PRB3: variants seen among roughly 807,000 people sequenced by gnomAD.
PRB3 encodes the protein proline rich protein BstNI subfamily 3.
A neutral mutation model predicts 10.0 loss-of-function variants in PRB3; 9 were observed. The observed-to-expected ratio is 0.90, with a 90% CI of 0.54 to 1.57. The LOEUF is 1.57. Ranked by LOEUF, PRB3 falls within the 40% of genes most tolerant of loss-of-function variation. The pLI is 0.00. For synonymous variants in PRB3, 89 were observed against 138.6 expected (o/e 0.64, Z 2.52); for missense variants, 285 against 385.5 (o/e 0.74, Z 2.18).
chr12:11,267,253 T>C lies in PRB3; in HGVS notation c.996A>G (p.Pro332=). Residue 332 remains proline (P), a synonymous_variant, in exon 3 of 4, where the codon CCA becomes CCG. Transcript: ENST00000538488. ...LPPPAGKPQG[P]PPPPQGGRPH... ...GTCTGCCCCCTTGAGGAGGTGGAGGTGGTCCCTGGGGCTTTCCAGCGGGAG... is the reference window on the plus strand; with the variant it reads ...GTCTGCCCCCTTGAGGAGGTGGAGGCGGTCCCTGGGGCTTTCCAGCGGGAG... 1 of 1,613,814 alleles carries C rather than the reference T, an allele frequency of 6.2e-7. No homozygotes were observed. The highest frequency in any genetic ancestry group is 8.5e-7 in the Non-Finnish European group (1 of 1,179,882).
intron 2 of PRB3, 91 bp downstream of exon 2, chr12:11,268,542 G>T: frequency 6.8e-7 from 1 of 1,463,136 alleles, no homozygotes; most frequent in Non-Finnish European, 9.6e-7. Context: ...AATTTCTAAA[G>T]GAAAATGTTG....
At chr12:11,266,132 C>G in intron 3 of PRB3, 103 bp from the exon 4 acceptor site, 1 of 412,356 alleles carries the variant, frequency 2.4e-6, no homozygotes, top group Middle Eastern at 8.1e-4. Context: ...AGATCCCATC[C>G]TCTCTCCCCA....
Position 11,269,616 on chromosome 12 carries a change from G to C in PRB3, c.54C>G (p.Ser18Arg). 2 of 1,614,028 alleles carry C rather than the reference G, an allele frequency of 1.2e-6. No homozygotes were observed. The highest frequency in any genetic ancestry group is 1.7e-6 in the Non-Finnish European group (2 of 1,179,936). ...CTCCTTCTGTCTTACCTTCATTTAA[G>C]CTCTGAGCTGAGCTCAGGGCCAGCA... ...VALLALSSAQ[S>R]LNEDVSQEES... The change falls in exon 1 of 4, where the codon AGC becomes AGG. Residue 18 changes from serine (S) to arginine (R), a missense_variant. Around this residue, in one of 3 missense-constraint regions of PRB3, gnomAD observed 147 missense variants for 129.4 expected, o/e 1.14. Transcript: ENST00000538488.
In PRB3 at chr12:11,266,032, G is replaced by GAAAC. The variant is rs1565761740; in HGVS notation, c.*18-7_*18-4dup. ...ACTGTCATCTTCTTGTTCACTTCCT[G>GAAAC]AAACAAACAAACAAGGAATTTCATA... is the stretch of plus-strand genomic sequence containing the variant. On this transcript the variant is annotated splice_polypyrimidine_tract_variant and splice_region_variant and intron_variant, in intron 3 of 3. Coordinates refer to ENST00000538488, the MANE Select transcript of PRB3 (RefSeq NM_001394862.1). 4.4e-6 allele frequency: 2 copies of GAAAC among 455,668 alleles called. No homozygotes were observed. The highest frequency in any genetic ancestry group is 3.1e-5 in the South Asian group (2 of 64,488). The allele number at this position is 455,668 out of a possible 1,614,324, so 28.2% of individuals were successfully genotyped here. A position where few individuals can be genotyped will look rare whatever the true frequency, so the allele number is the denominator to read the frequency against.
intron 2 of PRB3, 120 bp downstream of exon 2, chr12:11,268,512 TA>T (rs1948619203): frequency 1.1e-5 from 15 of 1,339,036 alleles, no homozygotes; most frequent in South Asian, 8.5e-5. Flanking sequence ...CCTGCATTAT[TA>T]GGGGGACTAA....
chr12:11,269,029 A>G (rs1411262912), intron 1 of PRB3, among the ~76,000 whole-genome samples: 2 of 152,188 alleles, frequency 1.3e-5, no homozygotes, highest in South Asian at 4.1e-4. Flanking sequence ...AGCTTTCTCA[A>G]TTTCGGTAAC....
Position 11,267,907 on chromosome 12 carries a change from T to A in PRB3, c.342A>T (p.Pro114=). The A allele has an allele frequency of 7.2e-6, 11 of 1,519,906 alleles. No homozygotes were observed. The highest frequency in any genetic ancestry group is 5.3e-6 in the Non-Finnish European group (6 of 1,136,846). 94.2% of individuals were successfully genotyped at this position (1,519,906 alleles called of 1,614,324 possible). A position where few individuals can be genotyped will look rare whatever the true frequency, so the allele number is the denominator to read the frequency against. ...PQGGNQSQGP[P]PRPGKPEGPP... is the part of the protein sequence containing the mutation. ...GTCCTTCTGGCTTTCCCGGACGAGG[T>A]GGGGGACCTTGGGACTGGTTTCCTC... Residue 114 remains proline, a synonymous_variant, in exon 3 of 4, where the codon CCA becomes CCT. Coordinates refer to ENST00000538488, the MANE Select transcript of PRB3 (RefSeq NM_001394862.1).
intron 3 of PRB3, 139 bp from the exon 4 acceptor site, chr12:11,266,168 T>A (rs1255839351): frequency 2.8e-6 from 1 of 354,752 alleles, no homozygotes; most frequent in African/African-American, 2.1e-5. Context: ...TGTGATTCTT[T>A]CCTGATTTTT....
chr12:11,268,615 G>C lies in PRB3; in HGVS notation c.100+18C>G. On this transcript the variant is annotated intron_variant, in intron 2 of 3. Transcript: ENST00000538488. Reference sequence around the variant, plus strand: ...GAAGAAGATAGTTAAAACAGATTGAGAGTGAATTGGGATTTACCTGATATT... The same window carrying C: ...GAAGAAGATAGTTAAAACAGATTGACAGTGAATTGGGATTTACCTGATATT... 1 of 1,598,258 alleles carries C rather than the reference G, an allele frequency of 6.3e-7. No homozygotes were observed. Among genetic ancestry groups the C allele is most frequent in the Non-Finnish European group, 8.6e-7 (1 of 1,165,588 alleles).
intron 1 of PRB3, 118 bp from the exon 2 acceptor site, chr12:11,268,786 C>A: frequency 4.0e-6 from 5 of 1,236,960 alleles, no homozygotes; most frequent in Non-Finnish European, 6.0e-6. Flanking sequence ...TAGGTTAGCT[C>A]ATCAGCTACC....
In PRB3 at chr12:11,268,161, GAC is replaced by G. The variant is rs765140865; in HGVS notation, c.101-15_101-14del. The stretch of plus-strand genomic sequence containing the variant: ...CCTTCTGGCTTTCCTGGAGGAGGTG[GAC>G]ACACGGCATTCACTGAATAGTTGCC... On this transcript the variant is annotated splice_polypyrimidine_tract_variant and intron_variant, in intron 2 of 3. Coordinates refer to ENST00000538488, the MANE Select transcript of PRB3 (RefSeq NM_001394862.1). 1.2e-6 allele frequency: 2 copies of G among 1,613,508 alleles called. No individual in the cohort carries two copies. The highest frequency in any genetic ancestry group is 1.7e-5 in the Admixed American group (1 of 59,938).
rs1374625118 is a variant in PRB3 at position 11,268,684 on chromosome 12, A to T, written c.65-16T>A. ...TGGCTGACATCTAGAAGAGAAGCAC[A>T]GGATGATGGGAAAGGTTACATCTCG... On this transcript the variant is annotated splice_polypyrimidine_tract_variant and intron_variant, in intron 1 of 3. Coordinates refer to ENST00000538488, the MANE Select transcript of PRB3 (RefSeq NM_001394862.1). 1.2e-6 allele frequency: 2 copies of T among 1,612,594 alleles called. No individual in the cohort carries two copies. The highest frequency in any genetic ancestry group is 1.7e-6 in the Non-Finnish European group (2 of 1,178,546).
intron 1 of PRB3, among the ~76,000 whole-genome samples, chr12:11,269,293 C>T (rs1168816203): frequency 3.3e-5 from 5 of 152,314 alleles, no homozygotes; most frequent in East Asian, 1.9e-4. Context: ...AGTTTAGGAT[C>T]TTCACAGCTG....
intron 3 of PRB3, among the ~76,000 whole-genome samples, chr12:11,266,926 A>G (rs1177943601): frequency 1.3e-5 from 2 of 152,184 alleles, no homozygotes; most frequent in Admixed American, 6.5e-5. Flanking sequence ...ACATGGTACT[A>G]CTTCCTCATT....
chr12:11,268,239 C>T, intron 2 of PRB3, 91 bp from the exon 3 acceptor site: 1 of 1,584,254 alleles, frequency 6.3e-7, no homozygotes, highest in Non-Finnish European at 8.7e-7. Context: ...AAAAATAAGA[C>T]CCAGACACTA....
chr12:11,268,075 T>C lies in PRB3; in HGVS notation c.174A>G (p.Glu58=), dbSNP rs1565763435. ...QRTPPPPGKP[E]GRPPQGGNQS... ...GGTTGCCTCCTTGTGGGGGTCGTCC[T>C]TCTGGCTTTCCTGGAGGAGGTGGGG... Residue 58 remains glutamate, a synonymous_variant, in exon 3 of 4, where the codon GAA becomes GAG. Coordinates refer to ENST00000538488, the MANE Select transcript of PRB3 (RefSeq NM_001394862.1). The C allele has an allele frequency of 2.5e-6, 4 of 1,612,922 alleles. No homozygotes were observed. The highest frequency in any genetic ancestry group is 3.4e-6 in the Non-Finnish European group (4 of 1,179,392).
intron 1 of PRB3, among the ~76,000 whole-genome samples, chr12:11,269,223 T>C (rs1191074411): frequency 6.6e-6 from 1 of 152,182 alleles, no homozygotes; most frequent in Non-Finnish European, 1.5e-5. Context: ...ATCTCCATCA[T>C]CAATGCTGAT....
intron 2 of PRB3, 117 bp downstream of exon 2, chr12:11,268,516 G>A (rs976504254): frequency 1.5e-6 from 2 of 1,340,268 alleles, no homozygotes; most frequent in Non-Finnish European, 2.1e-6. Flanking sequence ...CATTATTAGG[G>A]GGACTAATAT....
intron 3 of PRB3, 133 bp from the exon 4 acceptor site, chr12:11,266,162 A>C (rs1443358897): frequency 2.8e-6 from 1 of 355,182 alleles, no homozygotes; most frequent in Admixed American, 3.5e-5. Context: ...ACCTCCTGTG[A>C]TTCTTTCCTG....
Sources: allele counts gnomAD v4.1 joint callset (sites outside exome capture counted in the v4.1 genomes callset), GRCh38; gene constraint gnomAD v4.1.1; regional missense constraint gnomAD v4.1.1; transcripts MANE v1.5; gene names NCBI Gene and HGNC (gene_info 2026-07-23, HGNC 2026-07-21).